SDK1: variants seen among roughly 807,000 people sequenced by gnomAD.
The protein encoded by SDK1 is protein sidekick-1.
SDK1 carries 157 observed loss-of-function variants against 245.5 expected under a neutral mutation model. That is an observed-to-expected ratio of 0.64 (90% CI 0.56 to 0.73). The LOEUF (loss-of-function observed/expected upper bound fraction) is 0.73. SDK1 is among the 30% of genes least tolerant of loss of function. The probability of loss-of-function intolerance (pLI) is 0.00; values close to 1 mark genes in which losing one functional copy is unlikely to be tolerated. For missense variants in SDK1, 3,583 were observed against 3,002.3 expected (o/e 1.19, Z -4.52); for synonymous variants, 1,647 against 1,278.5 (o/e 1.29, Z -6.15).
At chr7:3,756,624 C>T (rs1229596381) in intron 4 of SDK1, among the ~76,000 whole-genome samples, 1 of 151,864 alleles carries the variant, frequency 6.6e-6, no homozygotes, top group African/African-American at 2.4e-5. Flanking sequence ...TGCCCTTTTC[C>T]TGCCCCAGGA....
intron 5 of SDK1, among the ~76,000 whole-genome samples, chr7:3,944,375 C>G (rs546966164): frequency 2.6e-5 from 4 of 152,348 alleles, no homozygotes; most frequent in South Asian, 2.1e-4. Flanking sequence ...CCTTTCTCTA[C>G]TTTTGTTTTC....
At chr7:3,543,431 C>T (rs1326618990) in intron 1 of SDK1, among the ~76,000 whole-genome samples, 1 of 152,210 alleles carries the variant, frequency 6.6e-6, no homozygotes, top group African/African-American at 2.4e-5. Context: ...CTCTTAAGAC[C>T]AAATGGAGCA....
intron 1 of SDK1, among the ~76,000 whole-genome samples, chr7:3,571,810 G>A (rs1040500804): frequency 4.6e-5 from 7 of 151,982 alleles, no homozygotes; most frequent in East Asian, 1.9e-4. Context: ...GAGTTATGAC[G>A]AAGTGTCTAG....
chr7:3,780,183 C>G (rs185102784), intron 4 of SDK1, among the ~76,000 whole-genome samples: 17 of 152,370 alleles, frequency 1.1e-4, no homozygotes, highest in South Asian at 6.2e-4. Context: ...TCTGACCACA[C>G]TGCCCCTTCC....
At chr7:3,429,809 G>T (rs573575804) in intron 1 of SDK1, among the ~76,000 whole-genome samples, 1 of 151,388 alleles carries the variant, frequency 6.6e-6, no homozygotes, top group African/African-American at 2.4e-5. Context: ...CCAGGCTGGT[G>T]TTAAGCCCTG....
At chr7:3,842,654 C>T (rs1200176507) in intron 5 of SDK1, among the ~76,000 whole-genome samples, 1 of 152,100 alleles carries the variant, frequency 6.6e-6, no homozygotes, top group East Asian at 1.9e-4. Context: ...AATCGTGAGT[C>T]CACTAAACAC....
intron 36 of SDK1, 146 bp from the exon 37 acceptor site, chr7:4,207,953 C>T: frequency 1.5e-6 from 1 of 646,962 alleles, no homozygotes; most frequent in East Asian, 2.7e-5. Flanking sequence ...CCTGATTCCT[C>T]CAGGAGGGAG....
At chr7:3,989,861 T>G (rs991780199) in intron 14 of SDK1, among the ~76,000 whole-genome samples, 4 of 152,198 alleles carry the variant, frequency 2.6e-5, no homozygotes, top group African/African-American at 9.7e-5. Flanking sequence ...GCCACACAGT[T>G]TAATCCCCAT....
intron 17 of SDK1, among the ~76,000 whole-genome samples, chr7:4,023,813 A>T (rs1278701301): frequency 3.9e-5 from 6 of 152,246 alleles, no homozygotes. Context: ...GATGAAAGAC[A>T]CAGGAAGAAA....
chr7:3,928,848 C>G (rs1340769960), intron 5 of SDK1, among the ~76,000 whole-genome samples: 2 of 152,216 alleles, frequency 1.3e-5, no homozygotes, highest in Non-Finnish European at 2.9e-5. Flanking sequence ...CAGGAACTGG[C>G]TCAAATTCAG....
At chr7:3,321,763 CT>C (rs1562412640) in intron 1 of SDK1, among the ~76,000 whole-genome samples, 7 of 88,150 alleles carry the variant, frequency 7.9e-5, no homozygotes, top group Admixed American at 2.5e-4. Flanking sequence ...CCCTCCCTCC[CT>C]TCCTTCCTTC....
At position 3,659,038 on chromosome 7, in the gene SDK1, A is replaced by G. The variant is rs141312553; in HGVS notation, c.713+16933A>G. On this transcript the variant is annotated intron_variant, in intron 4 of 44. Transcript: ENST00000404826. ...GCAACCACACATCTACTTCTCGTCT[A>G]TATGAATTTGCCTATTCTGTCACTA... 2.7e-3 allele frequency among the ~76,000 whole-genome samples: 411 copies of G among 152,266 alleles called. 3 individuals are homozygous for G. The highest frequency in any genetic ancestry group is 9.1e-3 in the African/African-American group (376 of 41,538).
At chr7:3,394,989 T>C (rs1781856830) in intron 1 of SDK1, among the ~76,000 whole-genome samples, 1 of 152,018 alleles carries the variant, frequency 6.6e-6, no homozygotes, top group African/African-American at 2.4e-5. Context: ...ACCGAATGTC[T>C]TTTATTTGTT....
chr7:3,369,510 G>C lies in SDK1; in HGVS notation c.298+67626G>C, dbSNP rs573669493. 2.6e-5 allele frequency among the ~76,000 whole-genome samples: 4 copies of C among 151,782 alleles called. No homozygotes were observed. The South Asian group carries it at 8.3e-4, about 31-fold the overall frequency. On this transcript the variant is annotated intron_variant, in intron 1 of 44. Transcript: ENST00000404826. ...GCAAGCTTGCCAACTCTTACATACA[G>C]AGTGTTCTGATCCAAGGAAAAAGTA... is the stretch of plus-strand genomic sequence containing the variant.
chr7:4,041,394 A>G (rs774934804), intron 17 of SDK1, among the ~76,000 whole-genome samples: 2 of 151,578 alleles, frequency 1.3e-5, no homozygotes, highest in African/African-American at 4.9e-5. Flanking sequence ...CTCTCCCACT[A>G]TCAGCATCCC....
chr7:3,852,418 G>C (rs1008474951), intron 5 of SDK1, among the ~76,000 whole-genome samples: 9 of 151,860 alleles, frequency 5.9e-5, no homozygotes, highest in Non-Finnish European at 1.3e-4. Flanking sequence ...TGCAAAAAAT[G>C]AGATTTAAAA....
chr7:3,549,205 G>A (rs916702302), intron 1 of SDK1, among the ~76,000 whole-genome samples: 13 of 152,170 alleles, frequency 8.5e-5, no homozygotes, highest in African/African-American at 2.4e-4. Context: ...GGAATTTACC[G>A]AATTCATTCC....
chr7:3,794,726 A>G (rs143135644), intron 4 of SDK1, among the ~76,000 whole-genome samples: 226 of 152,264 alleles, frequency 1.5e-3, no homozygotes, highest in African/African-American at 5.3e-3. Flanking sequence ...ATTGTAAGAT[A>G]TACATTCACT....
intron 4 of SDK1, among the ~76,000 whole-genome samples, chr7:3,727,512 A>G (rs1478543042): frequency 6.6e-6 from 1 of 151,696 alleles, no homozygotes; most frequent in Non-Finnish European, 1.5e-5. Flanking sequence ...TTTTTTTGAG[A>G]CGGAGCCTCG....
Sources: gnomAD v4.1 joint callset for allele counts (sites outside exome capture counted in the v4.1 genomes callset) on GRCh38, gnomAD v4.1.1 for gene constraint, MANE v1.5 for transcripts, NCBI Gene and HGNC (gene_info 2026-07-23, HGNC 2026-07-21) for gene names.